CAST: variants seen among roughly 807,000 people sequenced by gnomAD.
CAST encodes MIR583 host.
In CAST, 76 loss-of-function variants were observed where a neutral mutation model predicts 119.6. That is an observed-to-expected ratio of 0.64 (90% CI 0.53 to 0.77). CAST has a LOEUF of 0.77. Ranked by LOEUF, CAST falls within the 30% of genes least tolerant of loss-of-function variation. The pLI, the probability that CAST is intolerant of heterozygous loss-of-function variation, is 0.00. For synonymous variants in CAST, 319 were observed against 331.6 expected (o/e 0.96, Z 0.41); for missense variants, 953 against 946.5 (o/e 1.01, Z -0.09).
the CAST span, among the ~76,000 whole-genome samples, chr5:96,335,514 G>T: frequency 6.6e-6 from 1 of 152,076 alleles, no homozygotes; most frequent in Non-Finnish European, 1.5e-5. Context: ...ACATGCTGGG[G>T]TTACCTACCT....
At chr5:96,487,188 C>G in the CAST span, among the ~76,000 whole-genome samples, 9 of 152,076 alleles carry the variant, frequency 5.9e-5, no homozygotes, top group Admixed American at 4.6e-4. Flanking sequence ...GTGGTTGGAC[C>G]TCCCCACCCA....
chr5:96,031,588 C>A, the CAST span, among the ~76,000 whole-genome samples: 1 of 152,032 alleles, frequency 6.6e-6, no homozygotes, highest in Non-Finnish European at 1.5e-5. Context: ...ATTTTCAGAA[C>A]GAGTCCTTAA....
At chr5:95,990,475 C>T in the CAST span, among the ~76,000 whole-genome samples, 2,420 of 151,862 alleles carry the variant, frequency 0.016, 57 homozygotes, top group African/African-American at 0.055. Context: ...TTACTGTTTT[C>T]TTGGCTTACT....
chr5:96,732,737 G>A (rs1464795755), intron 9 of CAST, among the ~76,000 whole-genome samples: 2 of 151,998 alleles, frequency 1.3e-5, no homozygotes, highest in South Asian at 2.1e-4. Context: ...GCCATATGTA[G>A]AAAGCTGAAA....
chr5:96,665,771 CACAT>C (rs1481664683), intron 1 of CAST, among the ~76,000 whole-genome samples: 3 of 151,682 alleles, frequency 2.0e-5, no homozygotes, highest in African/African-American at 7.3e-5. Context: ...TATACATACA[CACAT>C]ACAAACATAT....
At chr5:96,471,760 G>T in the CAST span, among the ~76,000 whole-genome samples, 4 of 137,028 alleles carry the variant, frequency 2.9e-5, no homozygotes, top group Non-Finnish European at 3.1e-5. Context: ...CTTTCAAATG[G>T]AGTCTGTGTG....
chr5:96,367,541 G>T, the CAST span, among the ~76,000 whole-genome samples: 201 of 151,938 alleles, frequency 1.3e-3, 3 homozygotes, highest in African/African-American at 4.5e-3. Flanking sequence ...CCCTCCCCCA[G>T]ACTTGCTGCC....
intron 1 of CAST, among the ~76,000 whole-genome samples, chr5:96,547,744 T>A (rs1278543695): frequency 6.6e-6 from 1 of 152,228 alleles, no homozygotes; most frequent in Non-Finnish European, 1.5e-5. Context: ...TTGACTTCCG[T>A]GCAGGCCAAA....
the CAST span, among the ~76,000 whole-genome samples, chr5:96,001,475 C>T: frequency 1.3e-5 from 2 of 152,248 alleles, no homozygotes; most frequent in Admixed American, 6.5e-5. Flanking sequence ...CTAGCTACAA[C>T]CAACCTTTGG....
intron 2 of CAST, among the ~76,000 whole-genome samples, chr5:96,678,080 A>T (rs1351467609): frequency 6.6e-6 from 1 of 152,212 alleles, no homozygotes; most frequent in African/African-American, 2.4e-5. Flanking sequence ...TTATAAAACC[A>T]TGAGCAATCT....
intron 25 of CAST, chr5:96,762,939 AG>A (rs1768515886): frequency 3.7e-6 from 2 of 546,646 alleles, no homozygotes; most frequent in Admixed American, 3.1e-5. Flanking sequence ...CTGTGAGGCA[AG>A]GCTGTGGGAC....
At chr5:96,747,286 T>G in intron 17 of CAST, 59 bp from the exon 18 acceptor site, 1 of 949,682 alleles carries the variant, frequency 1.1e-6, no homozygotes, top group African/African-American at 1.6e-5. Flanking sequence ...ACAAACTTGA[T>G]GGGACATGAA....
At chr5:96,747,451 T>A in intron 18 of CAST, 59 bp downstream of exon 18, 1 of 1,125,502 alleles carries the variant, frequency 8.9e-7, no homozygotes, top group Non-Finnish European at 1.3e-6. Flanking sequence ...AAGTATGAAT[T>A]AAGATAATTT....
the CAST span, among the ~76,000 whole-genome samples, chr5:96,054,159 T>G: frequency 2.0e-5 from 3 of 152,198 alleles, no homozygotes; most frequent in African/African-American, 7.2e-5. Flanking sequence ...TAACTTGTAG[T>G]TTTTTTCCAA....
At chr5:96,555,381 G>C (rs527495043) in intron 1 of CAST, among the ~76,000 whole-genome samples, 4 of 152,028 alleles carry the variant, frequency 2.6e-5, no homozygotes, top group Non-Finnish European at 4.4e-5. Context: ...AGTGGGTGCA[G>C]GACAGTGGGT....
At chr5:96,648,673 A>T (rs1321065956) in intron 1 of CAST, among the ~76,000 whole-genome samples, 3 of 151,852 alleles carry the variant, frequency 2.0e-5, no homozygotes, top group African/African-American at 7.3e-5. Context: ...AGTACTTAGT[A>T]CCTCTGCATT....
At chr5:96,473,493 G>C in the CAST span, among the ~76,000 whole-genome samples, 7 of 152,186 alleles carry the variant, frequency 4.6e-5, no homozygotes, top group Non-Finnish European at 1.0e-4. Flanking sequence ...AGAATCCAGG[G>C]TCCCCCTGAT....
the CAST span, among the ~76,000 whole-genome samples, chr5:96,346,034 C>A: frequency 6.6e-6 from 1 of 152,110 alleles, no homozygotes; most frequent in Non-Finnish European, 1.5e-5. Context: ...GAGGTTGCCA[C>A]CATAAAGGCT....
the CAST span, among the ~76,000 whole-genome samples, chr5:96,401,612 A>G: frequency 0.019 from 2,884 of 152,304 alleles, 89 homozygotes; most frequent in African/African-American, 0.067. Context: ...GCCTTCCTTG[A>G]TCAGCCTATT....
Sources: allele counts gnomAD v4.1 joint callset (sites outside exome capture counted in the v4.1 genomes callset), GRCh38; gene constraint gnomAD v4.1.1; transcripts MANE v1.5; gene names NCBI Gene and HGNC (gene_info 2026-07-23, HGNC 2026-07-21).